The following NLGN1 variants were observed in gnomAD, a reference collection of about 807,000 sequenced individuals.
The protein encoded by NLGN1 is neuroligin-1.
Under a neutral mutation model 65.5 loss-of-function variants are expected in NLGN1, and 12 were observed. The ratio of observed to expected loss-of-function variants is 0.18; its 90% CI spans 0.12 to 0.30. NLGN1 has a LOEUF of 0.30. NLGN1 is among the 10% of genes least tolerant of loss of function. The pLI is 1.00. For synonymous variants in NLGN1, 350 were observed against 359.5 expected (o/e 0.97, Z 0.30); for missense variants, 750 against 1,007.1 (o/e 0.74, Z 3.46).
chr3:173,411,666 C>A (rs1397154849), intron 1 of NLGN1, among the ~76,000 whole-genome samples: 1 of 152,050 alleles, frequency 6.6e-6, no homozygotes, highest in African/African-American at 2.4e-5. Flanking sequence ...AAAAAGGCCA[C>A]GGAAGATATT....
At chr3:173,971,033 T>C (rs528998591) in intron 4 of NLGN1, among the ~76,000 whole-genome samples, 2 of 152,192 alleles carry the variant, frequency 1.3e-5, no homozygotes, top group East Asian at 3.9e-4. Flanking sequence ...TATGGAAAGA[T>C]GAAACCGTGA....
intron 4 of NLGN1, among the ~76,000 whole-genome samples, chr3:173,861,246 ATATT>A (rs1016911443): frequency 4.6e-5 from 7 of 152,100 alleles, no homozygotes; most frequent in Non-Finnish European, 8.8e-5. Flanking sequence ...TTTGAAAAAA[ATATT>A]TAGTTTTCTC....
At chr3:173,588,169 G>T (rs1747819671) in intron 2 of NLGN1, among the ~76,000 whole-genome samples, 1 of 152,068 alleles carries the variant, frequency 6.6e-6, no homozygotes, top group Non-Finnish European at 1.5e-5. Context: ...TATCAAATTT[G>T]TGAACACTCA....
intron 3 of NLGN1, among the ~76,000 whole-genome samples, chr3:173,709,669 G>A (rs1293053158): frequency 6.6e-6 from 1 of 151,840 alleles, no homozygotes; most frequent in East Asian, 1.9e-4. Context: ...CGGGCATGGT[G>A]GTGAGTGCCT....
At chr3:174,257,680 T>C (rs1019306696) in intron 4 of NLGN1, among the ~76,000 whole-genome samples, 5 of 152,018 alleles carry the variant, frequency 3.3e-5, no homozygotes, top group Middle Eastern at 3.4e-3. Context: ...CAAATACATG[T>C]TGTATTAATC....
chr3:173,420,088 T>G, intron 1 of NLGN1, among the ~76,000 whole-genome samples: 1 of 151,956 alleles, frequency 6.6e-6, no homozygotes, highest in Non-Finnish European at 1.5e-5. Flanking sequence ...TTATTATTAT[T>G]ATTATACTTT....
In NLGN1 at chr3:173,692,663, G is replaced by T. The variant is rs1015137843; in HGVS notation, c.493+87572G>T. 2.0e-5 allele frequency among the ~76,000 whole-genome samples: 3 copies of T among 152,132 alleles called. No individual in the cohort carries two copies. The East Asian group carries it at 5.8e-4, about 29-fold the overall frequency. ...TTTGATAGCTACAATTTGGAAGTAC[G>T]CAGAAGGCTACAGAACCCTGAAGGC... is the stretch of plus-strand genomic sequence containing the variant. On this transcript the variant is annotated intron_variant, in intron 3 of 6. Coordinates refer to ENST00000457714, the Ensembl canonical transcript of NLGN1.
At chr3:174,020,470 T>G (rs1727535206) in intron 4 of NLGN1, among the ~76,000 whole-genome samples, 1 of 152,122 alleles carries the variant, frequency 6.6e-6, no homozygotes, top group South Asian at 2.1e-4. Flanking sequence ...TTATATTTTT[T>G]CTCACTGAAA....
intron 4 of NLGN1, among the ~76,000 whole-genome samples, chr3:174,018,171 G>T (rs1727003010): frequency 6.6e-6 from 1 of 152,072 alleles, no homozygotes; most frequent in African/African-American, 2.4e-5. Flanking sequence ...GTTCCGTCTG[G>T]CTCTCAGGCA....
intron 4 of NLGN1, among the ~76,000 whole-genome samples, chr3:174,193,724 T>C (rs1444018124): frequency 6.6e-6 from 1 of 152,178 alleles, no homozygotes; most frequent in Non-Finnish European, 1.5e-5. Flanking sequence ...AAGATAAAAC[T>C]AAAAATAGTA....
intron 4 of NLGN1, among the ~76,000 whole-genome samples, chr3:174,240,551 A>T (rs185077278): frequency 6.6e-6 from 1 of 152,340 alleles, no homozygotes; most frequent in East Asian, 1.9e-4. Context: ...AGTCCGTAAG[A>T]AAAAACAAAA....
chr3:173,922,748 T>C (rs753275854), intron 4 of NLGN1, among the ~76,000 whole-genome samples: 1 of 152,136 alleles, frequency 6.6e-6, no homozygotes. Context: ...ATGCCATGTG[T>C]CGTCTCTGGA....
At chr3:173,919,982 A>AT (rs1266988111) in intron 4 of NLGN1, among the ~76,000 whole-genome samples, 1 of 152,056 alleles carries the variant, frequency 6.6e-6, no homozygotes, top group Non-Finnish European at 1.5e-5. Flanking sequence ...CTGGGATGCT[A>AT]TTTTTTAAAA....
downstream of NLGN1, among the ~76,000 whole-genome samples, chr3:174,290,905 G>T (rs1752693861): frequency 6.6e-6 from 1 of 150,538 alleles, no homozygotes; most frequent in Middle Eastern, 3.4e-3. Flanking sequence ...TTGAGAGAGA[G>T]AAATTAGATA....
chr3:173,596,115 G>A (rs1749449648), intron 2 of NLGN1, among the ~76,000 whole-genome samples: 1 of 152,066 alleles, frequency 6.6e-6, no homozygotes, highest in African/African-American at 2.4e-5. Flanking sequence ...TATTTTGTTG[G>A]TAAATTTTTT....
intron 3 of NLGN1, among the ~76,000 whole-genome samples, chr3:173,691,999 A>G (rs1413827088): frequency 6.6e-6 from 1 of 152,118 alleles, no homozygotes. Flanking sequence ...TTATTGCACT[A>G]AGGTACACGT....
intron 3 of NLGN1, among the ~76,000 whole-genome samples, chr3:173,735,029 A>G (rs898911696): frequency 2.0e-5 from 3 of 152,090 alleles, no homozygotes; most frequent in Non-Finnish European, 4.4e-5. Flanking sequence ...AGTATTTGTC[A>G]GTTATAAATC....
At chr3:173,944,896 GT>G (rs761048742) in intron 4 of NLGN1, among the ~76,000 whole-genome samples, 1 of 152,134 alleles carries the variant, frequency 6.6e-6, no homozygotes, top group Non-Finnish European at 1.5e-5. Context: ...AAAGAGAAGA[GT>G]TTTAACCAAA....
intron 4 of NLGN1, among the ~76,000 whole-genome samples, chr3:174,110,776 T>C (rs1260030185): frequency 6.6e-6 from 1 of 152,050 alleles, no homozygotes; most frequent in Non-Finnish European, 1.5e-5. Flanking sequence ...TTTTAAAATA[T>C]GTTTTGTATA....
Sources: gnomAD v4.1 joint callset for allele counts (sites outside exome capture counted in the v4.1 genomes callset) on GRCh38, gnomAD v4.1.1 for gene constraint, MANE v1.5 for transcripts, NCBI Gene and HGNC (gene_info 2026-07-23, HGNC 2026-07-21) for gene names.